The following CHORDC1 variants were observed in gnomAD, a reference collection of about 807,000 sequenced individuals.
CHORDC1 encodes cysteine and histidine rich domain containing 1.
Under a neutral mutation model 48.3 loss-of-function variants are expected in CHORDC1, and 25 were observed. That is an observed-to-expected ratio of 0.52 (90% confidence interval 0.38 to 0.72). CHORDC1 has a LOEUF of 0.72. CHORDC1 is among the 30% of genes least tolerant of loss of function. The pLI is 0.00. For missense variants in CHORDC1, 317 were observed against 388.7 expected (o/e 0.82, Z 1.55); for synonymous variants, 128 against 126.4 (o/e 1.01, Z -0.09).
intron 3 of CHORDC1, 30 bp from the exon 4 acceptor site, chr11:90,214,205 T>C (rs1210432319): frequency 1.3e-6 from 2 of 1,489,470 alleles, no homozygotes; most frequent in East Asian, 2.3e-5. Flanking sequence ...CATTAAGAGC[T>C]ATCTATTTTA....
chr11:90,222,786 C>G (rs1053645230), intron 1 of CHORDC1, 105 bp downstream of exon 1: 8 of 1,071,302 alleles, frequency 7.5e-6, no homozygotes, highest in Non-Finnish European at 9.9e-6. Flanking sequence ...GACCTGGGGC[C>G]GCGCGAGGAC....
At chr11:90,205,248 C>T (rs1470239518) in intron 8 of CHORDC1, among the ~76,000 whole-genome samples, 1 of 152,148 alleles carries the variant, frequency 6.6e-6, no homozygotes, top group African/African-American at 2.4e-5. Context: ...ACCTCACATG[C>T]TTGCATCAAA....
At position 90,204,093 on chromosome 11, in the gene CHORDC1, A is replaced by G. The variant is rs78557181; in HGVS notation, c.670-666T>C. Among the ~76,000 whole-genome samples the G allele has an allele frequency of 2.5e-4, 38 of 152,300 alleles. 2 individuals are homozygous for G. The East Asian group carries it at 7.3e-3, about 29-fold the overall frequency. ...CAGGAAACTGAGACACTACTGTTGTAAAAGGTACTATTTTCGTTTTGATAA... is the reference window on the plus strand; with the variant it reads ...CAGGAAACTGAGACACTACTGTTGTGAAAGGTACTATTTTCGTTTTGATAA... On this transcript the variant is annotated intron_variant, in intron 8 of 10. Coordinates refer to ENST00000320585, the MANE Select transcript of CHORDC1 (RefSeq NM_012124.3).
At position 90,211,199 on chromosome 11, in the gene CHORDC1, C is replaced by G; in HGVS notation, c.433+16G>C. On this transcript the variant is annotated intron_variant, in intron 5 of 10. Transcript: ENST00000320585. ...TACCAGAAAATAATTAACAATAAAA[C>G]AAAATAAAATCTTACCTTTCTTATT... 1 of 1,497,616 alleles carries G rather than the reference C, an allele frequency of 6.7e-7. No homozygotes were observed. The highest frequency in any genetic ancestry group is 9.3e-7 in the Non-Finnish European group (1 of 1,080,164). The allele number at this position is 1,497,616 out of a possible 1,614,324, so 92.8% of individuals were successfully genotyped here. A position where few individuals can be genotyped will look rare whatever the true frequency, so the allele number is the denominator to read the frequency against.
intron 6 of CHORDC1, chr11:90,207,779 C>CAAAAAAAAAAAAAAAAAAAAAAAAA (rs1231587858): frequency 8.8e-5 from 8 of 91,304 alleles, no homozygotes; most frequent in Non-Finnish European, 1.5e-4. Flanking sequence ...AAAAAAAAAA[C>CAAAAAAAAAAAAAAAAAAAAAAAAA]AAAAAAAACT....
At chr11:90,210,398 G>C (rs1028497977) in intron 6 of CHORDC1, 138 bp downstream of exon 6, 1 of 615,830 alleles carries the variant, frequency 1.6e-6, no homozygotes, top group Non-Finnish European at 2.9e-6. Flanking sequence ...TCTTATCCAT[G>C]ATTGTAGCCC....
rs192079718 is a variant in CHORDC1 at position 90,201,540 on chromosome 11, T to G, written c.*865A>C. 1,650 of 152,440 alleles carry G rather than the reference T, an allele frequency of 0.011. 41 individuals are homozygous for G. The highest frequency in any genetic ancestry group is 0.065 in the Admixed American group (986 of 15,276). 9.4% of individuals were successfully genotyped at this position (152,440 alleles called of 1,614,324 possible). On this transcript the variant is annotated 3_prime_UTR_variant, in exon 11 of 11. Transcript: ENST00000320585. The stretch of plus-strand genomic sequence containing the variant: ...ATATCCTAATGTATTTCCACAAACC[T>G]TTTAAGTCTACAATTTTATATAGTT...
chr11:90,206,758 A>C (rs1857702126), intron 6 of CHORDC1: 3 of 1,285,336 alleles, frequency 2.3e-6, no homozygotes, highest in Non-Finnish European at 3.0e-6. Flanking sequence ...CTATATATAT[A>C]TCCAGGGTTT....
At chr11:90,206,828 A>G (rs1857704911) in intron 6 of CHORDC1, 11 of 1,240,914 alleles carry the variant, frequency 8.9e-6, no homozygotes, top group Non-Finnish European at 1.2e-5. Context: ...TGAATTCACA[A>G]AAAATTATGT....
intron 1 of CHORDC1, among the ~76,000 whole-genome samples, chr11:90,219,755 T>C (rs972164445): frequency 3.9e-5 from 6 of 152,174 alleles, no homozygotes; most frequent in Admixed American, 1.3e-4. Flanking sequence ...CTCCTTACTA[T>C]ATATTTCTGT....
chr11:90,220,400 GA>G (rs1265071221), intron 1 of CHORDC1, among the ~76,000 whole-genome samples: 1 of 152,156 alleles, frequency 6.6e-6, no homozygotes, highest in Admixed American at 6.5e-5. Context: ...ATTAAGGGCT[GA>G]AAAAGGAGGT....
In CHORDC1 at chr11:90,214,148, C is replaced by T. The variant is rs1857944896; in HGVS notation, c.199G>A (p.Glu67Lys). ...VGCTKGRHNS[E>K]KPPEPVKPEV... Reference sequence around the variant, plus strand: ...GGTTTGACTGGCTCAGGTGGCTTCTCACTATTATGTCTACCTTTTGTACAG... The same window carrying T: ...GGTTTGACTGGCTCAGGTGGCTTCTTACTATTATGTCTACCTTTTGTACAG... Residue 67 changes from glutamate to lysine, a missense_variant, in exon 4 of 11, where the codon GAG (glutamate) becomes AAG (lysine). Coordinates refer to ENST00000320585, the MANE Select transcript of CHORDC1 (RefSeq NM_012124.3). 2 of 1,612,924 alleles carry T rather than the reference C, an allele frequency of 1.2e-6. No homozygotes were observed. Among genetic ancestry groups the T allele is most frequent in the Non-Finnish European group, 1.7e-6 (2 of 1,179,334 alleles).
intron 8 of CHORDC1, among the ~76,000 whole-genome samples, chr11:90,204,435 C>G (rs1004344708): frequency 6.6e-6 from 1 of 152,004 alleles, no homozygotes; most frequent in East Asian, 1.9e-4. Flanking sequence ...TAAAAAGCAA[C>G]TAGGGCCAGG....
chr11:90,222,566 G>A (rs1027039568), intron 1 of CHORDC1: 6 of 565,064 alleles, frequency 1.1e-5, no homozygotes, highest in Non-Finnish European at 2.0e-5. Flanking sequence ...TGGAGGGCCA[G>A]AGGAGAAACG....
chr11:90,200,529 G>A lies in CHORDC1; in HGVS notation c.*1876C>T, dbSNP rs1034230076. On this transcript the variant is annotated 3_prime_UTR_variant, in exon 11 of 11. Coordinates refer to ENST00000320585, the MANE Select transcript of CHORDC1 (RefSeq NM_012124.3). ...ACGATAACTGTGTCCCTTTATGTATGAGTCTAAGAGAAATATTCGGATTTT... is the reference window on the plus strand; with the variant it reads ...ACGATAACTGTGTCCCTTTATGTATAAGTCTAAGAGAAATATTCGGATTTT... 6.6e-6 allele frequency among the ~76,000 whole-genome samples: 1 copy of A among 151,760 alleles called. No individual in the cohort carries two copies. Among genetic ancestry groups the A allele is most frequent in the Non-Finnish European group, 1.5e-5 (1 of 67,786 alleles).
In CHORDC1 at chr11:90,202,621, T is replaced by C; in HGVS notation, c.853-70A>G. The C allele has an allele frequency of 2.0e-6, 3 of 1,536,030 alleles. No homozygotes were observed. In the South Asian group the frequency reaches 3.6e-5, roughly 19 times the overall value. On this transcript the variant is annotated intron_variant, in intron 10 of 10. Coordinates refer to ENST00000320585, the MANE Select transcript of CHORDC1 (RefSeq NM_012124.3). ...TTAGTCTCAGAGGAAAACATCAGAC[T>C]TGCTTATGCCAATAATCCCAAATCC...
At chr11:90,222,396 C>T in intron 1 of CHORDC1, 1 of 329,198 alleles carries the variant, frequency 3.0e-6, no homozygotes, top group Non-Finnish European at 5.9e-6. Flanking sequence ...AGCGGATCGA[C>T]TGAACACAAA....
In CHORDC1 at chr11:90,215,183, T is replaced by G. The variant is rs1352055010; in HGVS notation, c.162A>C (p.Leu54Phe). ...AATAATTAGTACTTACTACAATGCT[T>G]AAGAAATCAGAAAAATCAGTTGTTC... ...KRRTTDFSDFLSIVGCTKGRH... is the reference protein window; with the variant it reads ...KRRTTDFSDFFSIVGCTKGRH... The change falls in exon 3 of 11, where the codon TTA becomes TTC. Residue 54 changes from leucine to phenylalanine, a missense_variant. By Grantham distance (22) the Leu-to-Phe change is conservative. Coordinates refer to ENST00000320585, the MANE Select transcript of CHORDC1 (RefSeq NM_012124.3). 6.5e-7 allele frequency: 1 copy of G among 1,541,974 alleles called. No homozygotes were observed.
At position 90,200,665 on chromosome 11, in the gene CHORDC1, T is replaced by C. The variant is rs1282750606; in HGVS notation, c.*1740A>G. 6.6e-6 allele frequency among the ~76,000 whole-genome samples: 1 copy of C among 151,906 alleles called. No homozygotes were observed. The highest frequency in any genetic ancestry group is 2.4e-5 in the African/African-American group (1 of 41,418). On this transcript the variant is annotated 3_prime_UTR_variant, in exon 11 of 11. Transcript: ENST00000320585. ...ATATGTATGTGTGTGTGTGTGTGTA[T>C]AAATCAATGTTTTGATCAATGTAAC...
Sources: gnomAD v4.1 joint callset for allele counts (sites outside exome capture counted in the v4.1 genomes callset) on GRCh38, gnomAD v4.1.1 for gene constraint, MANE v1.5 for transcripts, NCBI Gene and HGNC (gene_info 2026-07-23, HGNC 2026-07-21) for gene names.